The following MAS1 variants were observed in gnomAD, a reference collection of about 807,000 sequenced individuals.
MAS1 encodes the protein MAS1 proto-oncogene, G protein-coupled receptor.
For synonymous variants in MAS1, 163 were observed against 164.2 expected (o/e 0.99, Z 0.05); for missense variants, 387 against 409.7 (o/e 0.94, Z 0.48).
chr6:159,889,963 C>T (rs538558403), upstream of MAS1, among the ~76,000 whole-genome samples: 9 of 152,308 alleles, frequency 5.9e-5, no homozygotes, highest in African/African-American at 2.2e-4. Flanking sequence ...TGTCTGCTTT[C>T]CCACAGAGTC....
At chr6:159,905,959 T>G in intron 2 of MAS1, among the ~76,000 whole-genome samples, 1 of 152,066 alleles carries the variant, frequency 6.6e-6, no homozygotes, top group East Asian at 1.9e-4. Context: ...GGAGAATCGC[T>G]TGAACCTGGG....
chr6:159,908,868 G>A lies in MAS1; in HGVS notation c.*935G>A, dbSNP rs1269752276. 6.6e-6 allele frequency: 1 copy of A among 152,020 alleles called. No homozygotes were observed. The highest frequency in any genetic ancestry group is 1.5e-5 in the Non-Finnish European group (1 of 68,012). The allele number at this position is 152,020 out of a possible 1,614,324, so 9.4% of individuals were successfully genotyped here. A position where few individuals can be genotyped will look rare whatever the true frequency, so the allele number is the denominator to read the frequency against. On this transcript the variant is annotated 3_prime_UTR_variant, in exon 3 of 3. Transcript: ENST00000674077. Reference sequence around the variant, plus strand: ...GAGTTGAATTTATGACTTCCTGGGGGTGACTGGGACCTTCCTCCCCCATGA... The same window carrying A: ...GAGTTGAATTTATGACTTCCTGGGGATGACTGGGACCTTCCTCCCCCATGA...
chr6:159,897,247 T>C (rs1782765272), intron 1 of MAS1, among the ~76,000 whole-genome samples: 1 of 151,786 alleles, frequency 6.6e-6, no homozygotes, highest in Non-Finnish European at 1.5e-5. Flanking sequence ...ATTGGTCAGG[T>C]TGGAGGATGA....
At position 159,907,507 on chromosome 6, in the gene MAS1, C is replaced by T. The variant is rs1460689537; in HGVS notation, c.552C>T (p.Cys184=). 8.1e-6 allele frequency: 13 copies of T among 1,613,988 alleles called. No homozygotes were observed. Among genetic ancestry groups the T allele is most frequent in the Non-Finnish European group, 1.0e-5 (12 of 1,180,000 alleles). The part of the protein sequence containing the change: ...REEESHSRND[C]RAVIIFIAIL... ...AAGAGAGTCACTCTCGGAATGACTG[C>T]CGAGCAGTCATCATCTTTATAGCCA... The change falls in exon 3 of 3, where the codon TGC becomes TGT. Residue 184 remains cysteine, a synonymous_variant. Transcript: ENST00000674077.
intron 2 of MAS1, among the ~76,000 whole-genome samples, chr6:159,904,361 C>T (rs984915642): frequency 1.3e-5 from 2 of 152,216 alleles, no homozygotes; most frequent in African/African-American, 4.8e-5. Flanking sequence ...CTCCCCTGGA[C>T]ATGGCCTGGC....
rs1334865599 is a variant in MAS1, at chr6:159,908,039, C to G, written c.*106C>G. 1.6e-6 allele frequency: 2 copies of G among 1,285,418 alleles called. No homozygotes were observed. Among genetic ancestry groups the G allele is most frequent in the Non-Finnish European group, 2.1e-6 (2 of 938,718 alleles). 79.6% of individuals were successfully genotyped at this position (1,285,418 alleles called of 1,614,324 possible). A position where few individuals can be genotyped will look rare whatever the true frequency, so the allele number is the denominator to read the frequency against. ...TCCTAAATGTGATACAGAAGAACAT[C>G]TCATCCCATATGCATGAGATACTAA... On this transcript the variant is annotated 3_prime_UTR_variant, in exon 3 of 3. Transcript: ENST00000674077.
chr6:159,899,801 A>G (rs1193631358), intron 2 of MAS1, among the ~76,000 whole-genome samples: 1 of 152,160 alleles, frequency 6.6e-6, no homozygotes, highest in Admixed American at 6.5e-5. Context: ...TAATCCCAGC[A>G]CTTTGGGAGG....
chr6:159,891,217 G>A (rs1782696062), intron 1 of MAS1, among the ~76,000 whole-genome samples, 84 bp downstream of exon 1: 1 of 152,108 alleles, frequency 6.6e-6, no homozygotes, highest in Admixed American at 6.5e-5. Context: ...GCTATTTCTT[G>A]GATAACTCTT....
intron 1 of MAS1, among the ~76,000 whole-genome samples, chr6:159,894,418 C>CAAAAAAAAAAAAA (rs5881344): frequency 3.3e-4 from 26 of 79,142 alleles, no homozygotes; most frequent in African/African-American, 1.2e-3. Context: ...GACCCTGTCT[C>CAAAAAAAAAAAAA]AAAAAAAAAA....
chr6:159,890,290 C>T (rs982144039), upstream of MAS1, among the ~76,000 whole-genome samples: 4 of 152,118 alleles, frequency 2.6e-5, no homozygotes, highest in South Asian at 2.1e-4. Flanking sequence ...GAACAGGGAT[C>T]GGGGAAAAGG....
Position 159,914,131 on chromosome 6 carries a change from C to T in MAS1, c.*6198C>T, listed in dbSNP as rs1782995342. The T allele has an allele frequency of 6.6e-6, 1 of 152,190 alleles. No individual in the cohort carries two copies. Among genetic ancestry groups the T allele is most frequent in the African/African-American group, 2.4e-5 (1 of 41,428 alleles). The allele number at this position is 152,190 out of a possible 1,614,324, so 9.4% of individuals were successfully genotyped here. On this transcript the variant is annotated 3_prime_UTR_variant, in exon 3 of 3. Coordinates refer to ENST00000674077, the MANE Select transcript of MAS1 (RefSeq NM_002377.4). ...TTTTTTGGTCAAATTTCTCATGTTGCTTCTAGATTGTTTTCCAAATGTCAT... is the reference window on the plus strand; with the variant it reads ...TTTTTTGGTCAAATTTCTCATGTTGTTTCTAGATTGTTTTCCAAATGTCAT...
chr6:159,907,303 C>T lies in MAS1; in HGVS notation c.348C>T (p.Tyr116=), dbSNP rs1209100240. 1 of 1,614,212 alleles carries T rather than the reference C, an allele frequency of 6.2e-7. No homozygotes were observed. The highest frequency in any genetic ancestry group is 8.5e-7 in the Non-Finnish European group (1 of 1,180,052). ...VTLSVTFLFG[Y]NTGLYLLTAI... ...TATCAGTGACTTTTCTGTTTGGCTACAACACGGGCCTCTATCTGCTGACGG... is the reference window on the plus strand; with the variant it reads ...TATCAGTGACTTTTCTGTTTGGCTATAACACGGGCCTCTATCTGCTGACGG... Residue 116 remains tyrosine (Y), a synonymous_variant, in exon 3 of 3, where the codon TAC becomes TAT. Coordinates refer to ENST00000674077, the MANE Select transcript of MAS1 (RefSeq NM_002377.4).
intron 1 of MAS1, among the ~76,000 whole-genome samples, chr6:159,893,292 G>T (rs1238634175): frequency 1.3e-5 from 2 of 152,246 alleles, no homozygotes; most frequent in Non-Finnish European, 2.9e-5. Context: ...GGCAGGGGAT[G>T]TCAGTGCTGG....
At position 159,910,450 on chromosome 6, in the gene MAS1, T is replaced by C. The variant is rs554453310; in HGVS notation, c.*2517T>C. ...CCCCCATATTGCATGCAGCCTCTTC[T>C]GTTCCCTCCCCTGCCCACTGGGGTT... On this transcript the variant is annotated 3_prime_UTR_variant, in exon 3 of 3. Coordinates refer to ENST00000674077, the MANE Select transcript of MAS1 (RefSeq NM_002377.4). 1.6e-4 allele frequency: 25 copies of C among 152,430 alleles called. No homozygotes were observed. Among genetic ancestry groups the C allele is most frequent in the African/African-American group, 5.8e-4 (24 of 41,586 alleles). The allele number at this position is 152,430 out of a possible 1,614,324, so 9.4% of individuals were successfully genotyped here.
In MAS1 at chr6:159,907,321, G is replaced by C. The variant is rs1782902406; in HGVS notation, c.366G>C (p.Leu122=). Residue 122 remains leucine, a synonymous_variant, in exon 3 of 3, where the codon CTG becomes CTC. Coordinates refer to ENST00000674077, the MANE Select transcript of MAS1 (RefSeq NM_002377.4). ...TTGGCTACAACACGGGCCTCTATCT[G>C]CTGACGGCCATTAGTGTGGAGAGGT... The part of the protein sequence containing the change: ...FLFGYNTGLY[L]LTAISVERCL... 1 of 1,614,158 alleles carries C rather than the reference G, an allele frequency of 6.2e-7. No individual in the cohort carries two copies. The highest frequency in any genetic ancestry group is 1.3e-5 in the African/African-American group (1 of 75,026).
At chr6:159,896,854 GTTTT>G (rs1412246281) in intron 1 of MAS1, among the ~76,000 whole-genome samples, 1 of 141,716 alleles carries the variant, frequency 7.1e-6, no homozygotes, top group Non-Finnish European at 1.5e-5. Flanking sequence ...CAGAGACTGG[GTTTT>G]TTTGTTTGTT....
Sources: gnomAD v4.1 joint callset for allele counts (sites outside exome capture counted in the v4.1 genomes callset) on GRCh38, gnomAD v4.1.1 for gene constraint, MANE v1.5 for transcripts, NCBI Gene and HGNC (gene_info 2026-07-23, HGNC 2026-07-21) for gene names.